The following CYB5R4 variants were observed in gnomAD, a reference collection of about 807,000 sequenced individuals.
CYB5R4 encodes cytochrome b5 reductase 4.
CYB5R4 carries 55 observed loss-of-function variants against 70.2 expected under a neutral mutation model. That is an observed-to-expected ratio of 0.78 (90% CI 0.63 to 0.98). The LOEUF is 0.98. Ranked by LOEUF, CYB5R4 falls within the 50% of genes least tolerant of loss-of-function variation. The pLI is 0.00. For missense variants in CYB5R4, 562 were observed against 612.6 expected (o/e 0.92, Z 0.87); for synonymous variants, 197 against 199.5 (o/e 0.99, Z 0.11).
intron 3 of CYB5R4, among the ~76,000 whole-genome samples, chr6:83,894,151 G>T (rs895329413): frequency 3.3e-5 from 5 of 152,124 alleles, no homozygotes; most frequent in Admixed American, 3.3e-4. Context: ...TTCTGTATAG[G>T]TTATCTCAAA....
At chr6:83,954,728 A>G (rs1323867021) in intron 14 of CYB5R4, among the ~76,000 whole-genome samples, 1 of 151,834 alleles carries the variant, frequency 6.6e-6, no homozygotes, top group Non-Finnish European at 1.5e-5. Context: ...TTTCATTTAT[A>G]TATTTATTTT....
chr6:83,892,723 A>T (rs549000078), intron 2 of CYB5R4, among the ~76,000 whole-genome samples: 1 of 152,086 alleles, frequency 6.6e-6, no homozygotes, highest in Non-Finnish European at 1.5e-5. Context: ...CCATTGCTTA[A>T]CCTTTGCTGA....
At chr6:83,898,286 T>C (rs1285651118) in intron 3 of CYB5R4, among the ~76,000 whole-genome samples, 1 of 152,206 alleles carries the variant, frequency 6.6e-6, no homozygotes, top group Non-Finnish European at 1.5e-5. Flanking sequence ...ATATGTGGCA[T>C]TAGTTCTGAG....
At chr6:83,905,782 G>C (rs1359691063) in intron 3 of CYB5R4, among the ~76,000 whole-genome samples, 2 of 152,056 alleles carry the variant, frequency 1.3e-5, no homozygotes, top group Admixed American at 6.6e-5. Context: ...CATGGGTGGT[G>C]ACGGTGGCAG....
At chr6:83,879,605 T>G (rs1212882975) in intron 2 of CYB5R4, among the ~76,000 whole-genome samples, 1 of 152,160 alleles carries the variant, frequency 6.6e-6, no homozygotes. Context: ...TGTACTCCTG[T>G]AGGCCTTAAA....
At chr6:83,898,851 A>G (rs1255771437) in intron 3 of CYB5R4, among the ~76,000 whole-genome samples, 1 of 152,206 alleles carries the variant, frequency 6.6e-6, no homozygotes, top group Non-Finnish European at 1.5e-5. Context: ...TTATCAGCTT[A>G]AGGAGATTTT....
At chr6:83,901,102 C>T (rs2099462877) in intron 3 of CYB5R4, among the ~76,000 whole-genome samples, 2 of 152,128 alleles carry the variant, frequency 1.3e-5, no homozygotes, top group South Asian at 2.1e-4. Flanking sequence ...TGGCTGGTGC[C>T]GGTTGTTCCT....
intron 2 of CYB5R4, among the ~76,000 whole-genome samples, chr6:83,869,569 C>T (rs1475799079): frequency 6.6e-6 from 1 of 152,240 alleles, no homozygotes; most frequent in Non-Finnish European, 1.5e-5. Context: ...TGGCTCACGC[C>T]TGTGATCCCA....
intron 2 of CYB5R4, among the ~76,000 whole-genome samples, chr6:83,876,703 T>C (rs2099458614): frequency 1.3e-5 from 2 of 152,232 alleles, no homozygotes; most frequent in South Asian, 4.1e-4. Flanking sequence ...TTACTATTTT[T>C]GCTTTATACA....
intron 2 of CYB5R4, among the ~76,000 whole-genome samples, chr6:83,888,508 A>G (rs1035431103): frequency 3.3e-5 from 5 of 152,024 alleles, no homozygotes; most frequent in Admixed American, 2.0e-4. Context: ...TGTGATCTTG[A>G]TGTTACTATT....
At chr6:83,860,284 A>G (rs950689019) in intron 1 of CYB5R4, among the ~76,000 whole-genome samples, 1 of 152,058 alleles carries the variant, frequency 6.6e-6, no homozygotes, top group Non-Finnish European at 1.5e-5. Flanking sequence ...CAGGAGGGAA[A>G]GGCTTGGCAG....
intron 3 of CYB5R4, among the ~76,000 whole-genome samples, chr6:83,897,156 C>A (rs561992572): frequency 6.6e-6 from 1 of 151,460 alleles, no homozygotes; most frequent in Non-Finnish European, 1.5e-5. Context: ...TGAGAACATG[C>A]GGTGTTTGGT....
Position 83,934,241 on chromosome 6 carries a change from TA to T in CYB5R4, c.815-340del, listed in dbSNP as rs371624011. 7.0e-3 allele frequency among the ~76,000 whole-genome samples: 934 copies of T among 133,144 alleles called. 5 individuals are homozygous for T. The highest frequency in any genetic ancestry group is 0.012 in the Middle Eastern group (3 of 256). The allele number at this position is 133,144 out of a possible 152,430, so 87.3% of individuals were successfully genotyped here. A position where few individuals can be genotyped will look rare whatever the true frequency, so the allele number is the denominator to read the frequency against. On this transcript the variant is annotated intron_variant, in intron 10 of 15. Transcript: ENST00000369681. The stretch of plus-strand genomic sequence containing the variant: ...AAACCCAATCTCTTTAAAAAAAAAT[TA>T]AAAAAAAAAAAAAGACTTTAGAATG...
chr6:83,903,564 C>A (rs910271241), intron 3 of CYB5R4, among the ~76,000 whole-genome samples: 18 of 151,878 alleles, frequency 1.2e-4, no homozygotes, highest in African/African-American at 4.1e-4. Flanking sequence ...GGGGCGAATT[C>A]CCTTCTCTTC....
At position 83,966,819 on chromosome 6, in the gene CYB5R4, T is replaced by C. The variant is rs1208986799; in HGVS notation, c.*6941T>C. 2.0e-5 allele frequency: 3 copies of C among 152,024 alleles called. No individual in the cohort carries two copies. Among genetic ancestry groups the C allele is most frequent in the Non-Finnish European group, 4.4e-5 (3 of 68,006 alleles). The allele number at this position is 152,024 out of a possible 1,614,324, so 9.4% of individuals were successfully genotyped here. A position where few individuals can be genotyped will look rare whatever the true frequency, so the allele number is the denominator to read the frequency against. On this transcript the variant is annotated 3_prime_UTR_variant, in exon 16 of 16. Coordinates refer to ENST00000369681, the MANE Select transcript of CYB5R4 (RefSeq NM_016230.4). Reference sequence around the variant, plus strand: ...ATCAAAGGAAAAGAATACTAAAAACTCTACTTAATGAAAAATCATCCTGAA... The same window carrying C: ...ATCAAAGGAAAAGAATACTAAAAACCCTACTTAATGAAAAATCATCCTGAA...
At chr6:83,870,525 G>A (rs573305293) in intron 2 of CYB5R4, among the ~76,000 whole-genome samples, 247 of 151,210 alleles carry the variant, frequency 1.6e-3, no homozygotes, top group African/African-American at 5.1e-3. Flanking sequence ...TCCATAGCAG[G>A]GAAATTTTTC....
chr6:83,860,086 C>G (rs905700774), intron 1 of CYB5R4, among the ~76,000 whole-genome samples: 4 of 152,120 alleles, frequency 2.6e-5, no homozygotes, highest in Admixed American at 1.3e-4. Flanking sequence ...CTTTATCCCG[C>G]TCTATCCGTT....
At chr6:83,903,354 C>G (rs540606558) in intron 3 of CYB5R4, among the ~76,000 whole-genome samples, 1 of 152,094 alleles carries the variant, frequency 6.6e-6, no homozygotes, top group Non-Finnish European at 1.5e-5. Context: ...CCATCCCTGA[C>G]TCCTTGGGAT....
chr6:83,907,669 T>G (rs1294564947), intron 3 of CYB5R4, among the ~76,000 whole-genome samples: 1 of 152,102 alleles, frequency 6.6e-6, no homozygotes, highest in Non-Finnish European at 1.5e-5. Flanking sequence ...TGTTGTTCAT[T>G]TCTTTGTTTT....
Sources: allele counts gnomAD v4.1 joint callset (sites outside exome capture counted in the v4.1 genomes callset), GRCh38; gene constraint gnomAD v4.1.1; transcripts MANE v1.5; gene names NCBI Gene and HGNC (gene_info 2026-07-23, HGNC 2026-07-21).